Variants in RSPO4 observed in about 807,000 individuals in gnomAD.
The protein encoded by RSPO4 is R-spondin 4.
RSPO4 carries 23 observed loss-of-function variants against 24.8 expected under a neutral mutation model. The observed-to-expected ratio is 0.93, with a 90% CI of 0.67 to 1.31. The LOEUF (loss-of-function observed/expected upper bound fraction) is 1.31. Ranked by LOEUF, RSPO4 falls within the 40% of genes most tolerant of loss-of-function variation. The pLI, the probability that RSPO4 is intolerant of heterozygous loss-of-function variation, is 0.00. For synonymous variants in RSPO4, 141 were observed against 127.4 expected (o/e 1.11, Z -0.72); for missense variants, 333 against 316.5 (o/e 1.05, Z -0.39).
At chr20:983,969 A>G (rs1305717951) in intron 1 of RSPO4, among the ~76,000 whole-genome samples, 2 of 152,154 alleles carry the variant, frequency 1.3e-5, no homozygotes, top group Admixed American at 6.5e-5. Flanking sequence ...TATTTTAAGT[A>G]CTGGGGAGAG....
At chr20:972,645 C>T (rs755178106) in intron 1 of RSPO4, among the ~76,000 whole-genome samples, 2 of 152,230 alleles carry the variant, frequency 1.3e-5, no homozygotes, top group African/African-American at 4.8e-5. Flanking sequence ...TGCCCACCGC[C>T]GAGATTCTTT....
At chr20:964,330 C>A (rs556216631) in intron 3 of RSPO4, among the ~76,000 whole-genome samples, 2 of 152,128 alleles carry the variant, frequency 1.3e-5, no homozygotes, top group Non-Finnish European at 2.9e-5. Flanking sequence ...GAAGCCAGAG[C>A]GGCCGACTGT....
intron 1 of RSPO4, among the ~76,000 whole-genome samples, chr20:990,522 CTCCT>C (rs71219803): frequency 6.7e-6 from 1 of 149,228 alleles, no homozygotes; most frequent in South Asian, 2.1e-4. Flanking sequence ...CCCTCCCTCC[CTCCT>C]TCCTTCCTTT....
intron 1 of RSPO4, among the ~76,000 whole-genome samples, chr20:994,877 T>C (rs1985225546): frequency 6.6e-6 from 1 of 152,208 alleles, no homozygotes; most frequent in South Asian, 2.1e-4. Context: ...TCCTGTCTTC[T>C]GACATTTGTC....
intron 1 of RSPO4, among the ~76,000 whole-genome samples, chr20:989,502 G>A (rs1985027422): frequency 6.6e-6 from 1 of 152,206 alleles, no homozygotes; most frequent in Admixed American, 6.5e-5. Context: ...GTGCATTGTA[G>A]GTGCTCAATA....
rs1227157016 is a variant in RSPO4 at position 1,002,189 on chromosome 20, G to C, written c.-25C>G. Reference sequence around the variant, plus strand: ...TCTGGGCAGCCGGATCCGGGCTGGCGCTCCCCAGGCGGCCCGACGGCCCAA... The same window carrying C: ...TCTGGGCAGCCGGATCCGGGCTGGCCCTCCCCAGGCGGCCCGACGGCCCAA... On this transcript the variant is annotated 5_prime_UTR_variant, in exon 1 of 5. Coordinates refer to ENST00000217260, the MANE Select transcript of RSPO4 (RefSeq NM_001029871.4). The surrounding 1 kb of genome is among the most constrained non-coding windows in gnomAD (Gnocchi z 4.6). The C allele has an allele frequency of 6.6e-7, 1 of 1,505,906 alleles. No individual in the cohort carries two copies. Among genetic ancestry groups the C allele is most frequent in the Non-Finnish European group, 8.9e-7 (1 of 1,127,618 alleles). 93.3% of individuals were successfully genotyped at this position (1,505,906 alleles called of 1,614,324 possible). A position where few individuals can be genotyped will look rare whatever the true frequency, so the allele number is the denominator to read the frequency against.
At position 970,763 on chromosome 20, in the gene RSPO4, T is replaced by A. The variant is rs551379475; in HGVS notation, c.80-2625A>T. On this transcript the variant is annotated intron_variant, in intron 1 of 4. Coordinates refer to ENST00000217260, the MANE Select transcript of RSPO4 (RefSeq NM_001029871.4). This position sits in a 1 kb window ranked among gnomAD's most constrained non-coding sequence, Gnocchi z 4.1. ...TTCGCTTTTTCACCTTAGATAGGAGTGTAAACTTCGGGGAAAAATCTAGCA... is the reference window on the plus strand; with the variant it reads ...TTCGCTTTTTCACCTTAGATAGGAGAGTAAACTTCGGGGAAAAATCTAGCA... Among the ~76,000 whole-genome samples, 1 of 152,170 alleles carries A rather than the reference T, an allele frequency of 6.6e-6. No homozygotes were observed. The highest frequency in any genetic ancestry group is 1.5e-5 in the Non-Finnish European group (1 of 68,036).
intron 1 of RSPO4, among the ~76,000 whole-genome samples, chr20:992,974 G>A (rs1468749314): frequency 6.6e-6 from 1 of 152,240 alleles, no homozygotes; most frequent in Non-Finnish European, 1.5e-5. Flanking sequence ...TCCGGGACTT[G>A]CTAGAGACAG....
Position 960,349 on chromosome 20 carries a change from G to C in RSPO4, c.*8C>G. On this transcript the variant is annotated 3_prime_UTR_variant, in exon 5 of 5. Transcript: ENST00000217260. ...GGACTAGGACCAGAGAGTCGGGAGA[G>C]CCGGCGGTCAGGGCTGCAGGCCGGG... 1 of 1,530,960 alleles carries C rather than the reference G, an allele frequency of 6.5e-7. No homozygotes were observed. Among genetic ancestry groups the C allele is most frequent in the Non-Finnish European group, 8.8e-7 (1 of 1,141,960 alleles). 94.8% of individuals were successfully genotyped at this position (1,530,960 alleles called of 1,614,324 possible). A position where few individuals can be genotyped will look rare whatever the true frequency, so the allele number is the denominator to read the frequency against.
At chr20:963,115 T>C (rs1354471079) in intron 4 of RSPO4, among the ~76,000 whole-genome samples, 2 of 152,128 alleles carry the variant, frequency 1.3e-5, no homozygotes, top group East Asian at 3.9e-4. Context: ...ATACGTGTAG[T>C]GGTCTTGAAT....
At chr20:992,089 G>A (rs916677652) in intron 1 of RSPO4, among the ~76,000 whole-genome samples, 4 of 152,054 alleles carry the variant, frequency 2.6e-5, no homozygotes, top group Admixed American at 1.3e-4. Flanking sequence ...TTTCCAGCCC[G>A]CTGTGGGCAG....
chr20:968,211 G>A (rs1984293490), intron 1 of RSPO4, 73 bp from the exon 2 acceptor site: 2 of 1,399,878 alleles, frequency 1.4e-6, no homozygotes, highest in East Asian at 4.6e-5. Flanking sequence ...GCGAGCAGCT[G>A]AGATGGTCTC....
In RSPO4 at chr20:990,763, G is replaced by A. The variant is rs74452812; in HGVS notation, c.79+11323C>T. Among the ~76,000 whole-genome samples, 731 of 152,252 alleles carry A rather than the reference G, an allele frequency of 4.8e-3. 28 individuals are homozygous for A. In the East Asian group the frequency reaches 0.096, roughly 20 times the overall value. On this transcript the variant is annotated intron_variant, in intron 1 of 4. Coordinates refer to ENST00000217260, the MANE Select transcript of RSPO4 (RefSeq NM_001029871.4). ...GGTGTTGTTCAAGCCAATGTCACTC[G>A]CCTCCAGGGGCAGGGAGTCTCCAGC...
intron 1 of RSPO4, among the ~76,000 whole-genome samples, chr20:997,558 T>C (rs1228594713): frequency 6.6e-6 from 1 of 152,136 alleles, no homozygotes; most frequent in South Asian, 2.1e-4. Context: ...CCCTGCCCTG[T>C]AGGAATCCCT....
intron 1 of RSPO4, among the ~76,000 whole-genome samples, chr20:973,136 C>T (rs879675776): frequency 2.8e-4 from 42 of 152,134 alleles, no homozygotes; most frequent in Non-Finnish European, 4.1e-4. Context: ...CTGTCCAGGG[C>T]CTCCTGTGTC....
At chr20:996,866 C>T (rs2122277668) in intron 1 of RSPO4, among the ~76,000 whole-genome samples, 1 of 152,310 alleles carries the variant, frequency 6.6e-6, no homozygotes, top group African/African-American at 2.4e-5. Flanking sequence ...ACACTCTCTC[C>T]TCATCCTGCA....
chr20:996,533 T>C lies in RSPO4; in HGVS notation c.79+5553A>G, dbSNP rs146843715. The stretch of plus-strand genomic sequence containing the variant: ...AGAGGTCTTGTCCATGATGTTCTCA[T>C]TGACGGATCTCAAGAGCCCAATAGT... On this transcript the variant is annotated intron_variant, in intron 1 of 4. Coordinates refer to ENST00000217260, the MANE Select transcript of RSPO4 (RefSeq NM_001029871.4). Among the ~76,000 whole-genome samples, 469 of 152,332 alleles carry C rather than the reference T, an allele frequency of 3.1e-3. 5 individuals carry two copies. Among genetic ancestry groups the C allele is most frequent in the Non-Finnish European group, 3.6e-3 (242 of 68,022 alleles).
chr20:967,307 CCCA>C lies in RSPO4; in HGVS notation c.273_275del (p.Cys91_Gly92delinsTrp), dbSNP rs777661973. On this transcript the variant is annotated inframe_deletion, in exon 3 of 5. Coordinates refer to ENST00000217260, the MANE Select transcript of RSPO4 (RefSeq NM_001029871.4). ...GGCTGAAGCAGCTCTCACAAGTGGC[CCCA>C]CATTCTGTAATAGAGCCAGGGACAC... 150 of 1,613,996 alleles carry C rather than the reference CCCA, an allele frequency of 9.3e-5. No homozygotes were observed. Among genetic ancestry groups the C allele is most frequent in the Non-Finnish European group, 1.2e-4 (140 of 1,180,052 alleles).
chr20:968,351 T>C (rs538410473), intron 1 of RSPO4, among the ~76,000 whole-genome samples: 17 of 152,366 alleles, frequency 1.1e-4, no homozygotes, highest in African/African-American at 4.1e-4. Flanking sequence ...CATGTGACAC[T>C]TCAAGAAAGC....
Sources: allele counts gnomAD v4.1 joint callset (sites outside exome capture counted in the v4.1 genomes callset), GRCh38; gene constraint gnomAD v4.1.1; non-coding constraint Gnocchi (gnomAD v3.1); transcripts MANE v1.5; gene names NCBI Gene and HGNC (gene_info 2026-07-23, HGNC 2026-07-21).